Variants in WDR70 observed in about 807,000 individuals in gnomAD.
WDR70 encodes the protein WD repeat-containing protein 70.
A neutral mutation model predicts 88.6 loss-of-function variants in WDR70; 53 were observed. That is an observed-to-expected ratio of 0.60 (90% CI 0.48 to 0.75). The LOEUF (loss-of-function observed/expected upper bound fraction) is 0.75, where lower values mean the gene tolerates loss of function less well. WDR70 is among the 30% of genes least tolerant of loss of function. WDR70 has a pLI of 0.00. For missense variants in WDR70, 610 were observed against 823.2 expected, an observed-to-expected ratio of 0.74 and a Z score of 3.17; for synonymous variants, 280 against 270.0, an observed-to-expected ratio of 1.04 and a Z score of -0.36.
chr5:37,520,906 A>G (rs150213462), intron 9 of WDR70, among the ~76,000 whole-genome samples: 175 of 152,332 alleles, frequency 1.1e-3, no homozygotes, highest in African/African-American at 4.1e-3. Context: ...TGCAGGAGAG[A>G]CTTTGTGCAG....
At chr5:37,493,458 T>C (rs1740126715) in intron 8 of WDR70, among the ~76,000 whole-genome samples, 1 of 152,114 alleles carries the variant, frequency 6.6e-6, no homozygotes, top group South Asian at 2.1e-4. Flanking sequence ...AGCAAGCAAA[T>C]AGGGATCACA....
chr5:37,407,986 A>T (rs1283006020), intron 5 of WDR70, among the ~76,000 whole-genome samples: 1 of 152,216 alleles, frequency 6.6e-6, no homozygotes, highest in African/African-American at 2.4e-5. Context: ...ACAGTGGCTT[A>T]AACAAGATAG....
chr5:37,511,682 T>A (rs1581351153), intron 8 of WDR70, among the ~76,000 whole-genome samples: 1 of 152,222 alleles, frequency 6.6e-6, no homozygotes, highest in Non-Finnish European at 1.5e-5. Context: ...CTATTAAAAA[T>A]CATGAGTTCA....
At chr5:37,462,684 T>C (rs1446864070) in intron 7 of WDR70, among the ~76,000 whole-genome samples, 1 of 152,112 alleles carries the variant, frequency 6.6e-6, no homozygotes, top group Non-Finnish European at 1.5e-5. Context: ...TTGTAGTGCA[T>C]TTGAAATAAC....
chr5:37,510,051 T>G (rs1273025070), intron 8 of WDR70, among the ~76,000 whole-genome samples: 1 of 151,124 alleles, frequency 6.6e-6, no homozygotes, highest in African/African-American at 2.4e-5. Flanking sequence ...AGCAACAGAG[T>G]GAGACCCTCA....
At chr5:37,711,138 C>G (rs1008149114) in intron 13 of WDR70, among the ~76,000 whole-genome samples, 1 of 152,036 alleles carries the variant, frequency 6.6e-6, no homozygotes, top group African/African-American at 2.4e-5. Flanking sequence ...TTTGGAGGGA[C>G]ATTCATATGG....
At chr5:37,669,412 A>C (rs2112590188) in intron 10 of WDR70, among the ~76,000 whole-genome samples, 1 of 151,766 alleles carries the variant, frequency 6.6e-6, no homozygotes, top group South Asian at 2.1e-4. Flanking sequence ...AAAAAAAAAA[A>C]ACATTTTGTT....
At chr5:37,550,096 C>T (rs1158634453) in intron 9 of WDR70, among the ~76,000 whole-genome samples, 1 of 152,158 alleles carries the variant, frequency 6.6e-6, no homozygotes, top group African/African-American at 2.4e-5. Context: ...AACTCCTCGC[C>T]TCAAGGCATC....
intron 9 of WDR70, among the ~76,000 whole-genome samples, chr5:37,579,308 G>A (rs550820006): frequency 1.1e-3 from 171 of 152,282 alleles, no homozygotes; most frequent in Non-Finnish European, 2.0e-3. Flanking sequence ...AATTCTGGCC[G>A]GGTGCGGTGG....
chr5:37,521,742 C>CA (rs1741100692), intron 9 of WDR70, among the ~76,000 whole-genome samples: 3 of 128,776 alleles, frequency 2.3e-5, no homozygotes, highest in African/African-American at 5.7e-5. Context: ...ACACACACAC[C>CA]CACATGTTCT....
chr5:37,424,771 TTTTA>T (rs1229623160), intron 5 of WDR70, among the ~76,000 whole-genome samples: 1 of 152,160 alleles, frequency 6.6e-6, no homozygotes, highest in Non-Finnish European at 1.5e-5. Context: ...TGAATTAACA[TTTTA>T]TTTGTTTTAT....
At chr5:37,693,694 C>A (rs1746887743) in intron 10 of WDR70, among the ~76,000 whole-genome samples, 1 of 152,100 alleles carries the variant, frequency 6.6e-6, no homozygotes, top group South Asian at 2.1e-4. Context: ...ACACCTTATA[C>A]AAAAATTAAT....
chr5:37,752,617 G>C lies in WDR70; in HGVS notation c.*44G>C. ...TGTTTGCATGAGTGGGAGGGGTATG[G>C]GACAGGTTTGGGTTTTTTTTTTATG... On this transcript the variant is annotated 3_prime_UTR_variant, in exon 18 of 18. Coordinates refer to ENST00000265107, the MANE Select transcript of WDR70 (RefSeq NM_018034.4). 7.1e-7 allele frequency: 1 copy of C among 1,411,544 alleles called. No individual in the cohort carries two copies. Among genetic ancestry groups the C allele is most frequent in the Non-Finnish European group, 9.8e-7 (1 of 1,021,200 alleles). 87.4% of individuals were successfully genotyped at this position (1,411,544 alleles called of 1,614,324 possible).
chr5:37,550,198 T>C (rs942125690), intron 9 of WDR70, among the ~76,000 whole-genome samples: 1 of 152,212 alleles, frequency 6.6e-6, no homozygotes, highest in African/African-American at 2.4e-5. Context: ...TGATGGTTTT[T>C]CAGCACCAAT....
chr5:37,431,382 T>A (rs938297801), intron 5 of WDR70, among the ~76,000 whole-genome samples: 2 of 152,156 alleles, frequency 1.3e-5, no homozygotes, highest in Non-Finnish European at 2.9e-5. Context: ...AATTCCTCTT[T>A]TTTTTTCTTT....
intron 9 of WDR70, among the ~76,000 whole-genome samples, chr5:37,524,387 A>G (rs1215465698): frequency 1.3e-5 from 2 of 152,226 alleles, no homozygotes; most frequent in Non-Finnish European, 2.9e-5. Flanking sequence ...ACTAAGCTTC[A>G]TAAGTGAAGG....
chr5:37,645,953 T>TA (rs762699071), intron 10 of WDR70, among the ~76,000 whole-genome samples: 2 of 152,130 alleles, frequency 1.3e-5, no homozygotes, highest in African/African-American at 2.4e-5. Flanking sequence ...TTGGAGAGTT[T>TA]AGTCCATTTA....
intron 8 of WDR70, among the ~76,000 whole-genome samples, chr5:37,497,030 T>C (rs1309455120): frequency 6.6e-6 from 1 of 152,226 alleles, no homozygotes; most frequent in Non-Finnish European, 1.5e-5. Context: ...GTTTCTTTTA[T>C]TGCAAATCAT....
At chr5:37,591,750 T>C (rs1180900773) in intron 9 of WDR70, among the ~76,000 whole-genome samples, 1 of 152,092 alleles carries the variant, frequency 6.6e-6, no homozygotes, top group Admixed American at 6.6e-5. Flanking sequence ...TAGACTGATA[T>C]CCCCAATGAA....
Sources: gnomAD v4.1 joint callset for allele counts (sites outside exome capture counted in the v4.1 genomes callset) on GRCh38, gnomAD v4.1.1 for gene constraint, MANE v1.5 for transcripts, NCBI Gene and HGNC (gene_info 2026-07-23, HGNC 2026-07-21) for gene names.